PIK3CB: variants seen among roughly 807,000 people sequenced by gnomAD.
PIK3CB encodes phosphatidylinositol 4,5-bisphosphate 3-kinase catalytic subunit beta isoform.
In PIK3CB, 39 loss-of-function variants were observed where a neutral mutation model predicts 136.8. That is an observed-to-expected ratio of 0.29 (90% CI 0.22 to 0.37). The LOEUF (loss-of-function observed/expected upper bound fraction) is 0.37, where lower values mean the gene tolerates loss of function less well. Ranked by LOEUF, PIK3CB falls within the 10% of genes least tolerant of loss-of-function variation. The pLI is 1.00. For synonymous variants in PIK3CB, 428 were observed against 436.6 expected (o/e 0.98, Z 0.25); for missense variants, 868 against 1,275.4 (o/e 0.68, Z 4.87).
chr3:138,738,277 T>G (rs1422580247), intron 5 of PIK3CB, among the ~76,000 whole-genome samples: 1 of 152,130 alleles, frequency 6.6e-6, no homozygotes. Flanking sequence ...GTTCAAGCAA[T>G]TCTCCTGTCT....
At chr3:138,794,263 T>C (rs990048037) in intron 2 of PIK3CB, among the ~76,000 whole-genome samples, 1 of 152,042 alleles carries the variant, frequency 6.6e-6, no homozygotes, top group Non-Finnish European at 1.5e-5. Flanking sequence ...GCACCCAGCA[T>C]CTTGTGAGTT....
intron 12 of PIK3CB, among the ~76,000 whole-genome samples, chr3:138,700,071 A>T (rs114836280): frequency 6.6e-6 from 1 of 152,140 alleles, no homozygotes; most frequent in African/African-American, 2.4e-5. Context: ...AAAAATTTTT[A>T]AATAGCTAGG....
intron 12 of PIK3CB, among the ~76,000 whole-genome samples, chr3:138,704,101 A>G (rs1344868646): frequency 6.6e-6 from 1 of 152,206 alleles, no homozygotes; most frequent in African/African-American, 2.4e-5. Flanking sequence ...TGTGCCTATT[A>G]CTAAATCTGC....
chr3:138,779,086 CTTTTT>C (rs63042260), intron 2 of PIK3CB, among the ~76,000 whole-genome samples: 6 of 100,870 alleles, frequency 5.9e-5, no homozygotes, highest in Admixed American at 1.0e-4. Flanking sequence ...TATGTCATTT[CTTTTT>C]TTTTTTTTTT....
intron 10 of PIK3CB, among the ~76,000 whole-genome samples, chr3:138,709,991 A>G (rs933066740): frequency 6.7e-6 from 1 of 149,524 alleles, no homozygotes; most frequent in African/African-American, 2.5e-5. Context: ...CAGCTTGGGC[A>G]ACATGGCGAA....
chr3:138,802,594 A>G (rs911961888), intron 1 of PIK3CB, among the ~76,000 whole-genome samples: 2 of 151,856 alleles, frequency 1.3e-5, no homozygotes, highest in African/African-American at 2.4e-5. Flanking sequence ...TTGTTACTTT[A>G]AAAAAAAGTT....
At chr3:138,719,019 A>C (rs1229086999) in intron 8 of PIK3CB, among the ~76,000 whole-genome samples, 1 of 152,166 alleles carries the variant, frequency 6.6e-6, no homozygotes, top group Non-Finnish European at 1.5e-5. Flanking sequence ...TCTTTCTTTA[A>C]GTCCATGTCT....
chr3:138,759,631 A>G (rs2045633610), intron 2 of PIK3CB, among the ~76,000 whole-genome samples: 2 of 152,254 alleles, frequency 1.3e-5, no homozygotes, highest in South Asian at 4.1e-4. Flanking sequence ...ATTCTTATAT[A>G]CATATAAATA....
intron 21 of PIK3CB, among the ~76,000 whole-genome samples, chr3:138,662,030 A>G (rs2043304513): frequency 6.6e-6 from 1 of 151,778 alleles, no homozygotes; most frequent in Non-Finnish European, 1.5e-5. Flanking sequence ...CCCTTCTCCC[A>G]TATATAATTA....
Position 138,694,869 on chromosome 3 carries a change from G to C in PIK3CB, c.1809C>G (p.Pro603=), listed in dbSNP as rs1472536302. 8 of 1,611,910 alleles carry C rather than the reference G, an allele frequency of 5.0e-6. No homozygotes were observed. Among genetic ancestry groups the C allele is most frequent in the African/African-American group, 4.0e-5 (3 of 74,832 alleles). ...ALLQIWPKLP[P]REALELLDFN... ...AATCCAGAAGCTCTAGGGCCTCCCG[G>C]GGGGGCAGTTTAGGCCAAATCTGAA... Residue 603 remains proline, a synonymous_variant, in exon 14 of 24, where the codon CCC becomes CCG. Transcript: ENST00000674063.
At chr3:138,815,101 C>A (rs939881082) in intron 1 of PIK3CB, among the ~76,000 whole-genome samples, 2 of 131,458 alleles carry the variant, frequency 1.5e-5, no homozygotes, top group Non-Finnish European at 3.1e-5. Context: ...GATCGCGCCA[C>A]TGCACTCCAG....
intron 2 of PIK3CB, among the ~76,000 whole-genome samples, chr3:138,792,593 G>C (rs2046065168): frequency 6.6e-6 from 1 of 151,998 alleles, no homozygotes; most frequent in South Asian, 2.1e-4. Context: ...ATATTAAAAA[G>C]AGTAATTAAG....
chr3:138,834,299 C>CA (rs1018727679), intron 1 of PIK3CB, among the ~76,000 whole-genome samples: 3 of 152,194 alleles, frequency 2.0e-5, no homozygotes, highest in Non-Finnish European at 2.9e-5. Context: ...CACTTCTGCG[C>CA]AAAAAGGCAC....
chr3:138,770,615 C>G (rs947470642), intron 2 of PIK3CB: 3 of 150,678 alleles, frequency 2.0e-5, no homozygotes, highest in Non-Finnish European at 3.0e-5. Flanking sequence ...GAGGGTGAGG[C>G]AGGAGAATGG....
At chr3:138,809,858 G>T (rs1164610416) in intron 1 of PIK3CB, among the ~76,000 whole-genome samples, 1 of 152,108 alleles carries the variant, frequency 6.6e-6, no homozygotes, top group Non-Finnish European at 1.5e-5. Context: ...GTAGTAAAGA[G>T]GGCACATTAT....
At chr3:138,800,298 A>G (rs999465057) in intron 1 of PIK3CB, among the ~76,000 whole-genome samples, 1 of 152,058 alleles carries the variant, frequency 6.6e-6, no homozygotes, top group Non-Finnish European at 1.5e-5. Flanking sequence ...TCTACTGGAG[A>G]ATAGAACAGT....
At chr3:138,694,647 C>G (rs1207424221) in intron 14 of PIK3CB, 139 bp downstream of exon 14, 1 of 820,544 alleles carries the variant, frequency 1.2e-6, no homozygotes, top group African/African-American at 1.8e-5. Context: ...GGGGAGCTGG[C>G]AGGAGTACAT....
intron 1 of PIK3CB, among the ~76,000 whole-genome samples, chr3:138,797,789 T>A (rs2046125232): frequency 6.6e-6 from 1 of 151,930 alleles, no homozygotes; most frequent in African/African-American, 2.4e-5. Context: ...CTAAAACTAC[T>A]CCTAAAAATA....
intron 2 of PIK3CB, among the ~76,000 whole-genome samples, chr3:138,767,540 TCA>T (rs2045748390): frequency 6.6e-6 from 1 of 152,182 alleles, no homozygotes; most frequent in Non-Finnish European, 1.5e-5. Context: ...CCCACTAGGC[TCA>T]GTCTGCCCAC....
Sources: allele counts gnomAD v4.1 joint callset (sites outside exome capture counted in the v4.1 genomes callset), GRCh38; gene constraint gnomAD v4.1.1; transcripts MANE v1.5; gene names NCBI Gene and HGNC (gene_info 2026-07-23, HGNC 2026-07-21).